The following HNRNPH1 variants were observed in gnomAD, a reference collection of about 807,000 sequenced individuals.
HNRNPH1 encodes heterogeneous nuclear ribonucleoprotein H.
In HNRNPH1, 4 loss-of-function variants were observed where a neutral mutation model predicts 58.6. The observed-to-expected ratio is 0.07, with a 90% CI of 0.03 to 0.16. The LOEUF is 0.16. HNRNPH1 is among the 10% of genes least tolerant of loss of function. The pLI is 1.00. For missense variants in HNRNPH1, 271 were observed against 564.2 expected (o/e 0.48, Z 5.26); for synonymous variants, 192 against 189.2 (o/e 1.01, Z -0.12).
intron 2 of HNRNPH1, among the ~76,000 whole-genome samples, chr5:179,633,234 C>T (rs973168487): frequency 1.3e-5 from 2 of 151,472 alleles, no homozygotes; most frequent in Non-Finnish European, 2.9e-5. Flanking sequence ...TCAGGTAATC[C>T]GCCGCCTCAG....
At chr5:179,615,303 T>A in intron 12 of HNRNPH1, 2 of 458,872 alleles carry the variant, frequency 4.4e-6, no homozygotes, top group Non-Finnish European at 7.8e-6. Context: ...AAATTTAACA[T>A]AAACATTCAC....
At chr5:179,631,020 A>G (rs1439169027) in intron 2 of HNRNPH1, among the ~76,000 whole-genome samples, 1 of 152,208 alleles carries the variant, frequency 6.6e-6, no homozygotes, top group African/African-American at 2.4e-5. Flanking sequence ...TGATTTAATT[A>G]CAAGATTGTT....
rs1771938010 is a variant in HNRNPH1, at chr5:179,620,714, T to G, written c.397+178A>C. ...GCAAAGTTAACATTTTGGAAGTACT[T>G]CATTTCCACCTTTAAGATGGGCTTA... On this transcript the variant is annotated intron_variant, in intron 3 of 12. Coordinates refer to ENST00000356731, the Ensembl canonical transcript of HNRNPH1. 7 of 593,186 alleles carry G rather than the reference T, an allele frequency of 1.2e-5. No homozygotes were observed. In the Admixed American group the frequency reaches 1.9e-4, roughly 16 times the overall value. 36.7% of individuals were successfully genotyped at this position (593,186 alleles called of 1,614,324 possible).
intron 2 of HNRNPH1, chr5:179,633,773 G>C (rs1187960287): frequency 1.3e-5 from 2 of 152,056 alleles, no homozygotes; most frequent in African/African-American, 2.4e-5. Context: ...AATTAGCCAG[G>C]CGTCGCAGAG....
rs1347559192 is a variant in HNRNPH1, at chr5:179,619,256, C to T, written c.536+13G>A. ...AAGAAAAGTGACATATCCAACCAAC[C>T]ATCCATCCCCACCTGTGCCCTATTC... On this transcript the variant is annotated intron_variant, in intron 4 of 12. Coordinates refer to ENST00000356731, the Ensembl canonical transcript of HNRNPH1. The T allele has an allele frequency of 6.3e-7, 1 of 1,593,804 alleles. No homozygotes were observed. The highest frequency in any genetic ancestry group is 1.2e-5 in the South Asian group (1 of 86,732).
chr5:179,615,356 G>T (rs1449994572), intron 12 of HNRNPH1, 190 bp downstream of exon 13: 1 of 500,226 alleles, frequency 2.0e-6, no homozygotes, highest in Non-Finnish European at 3.6e-6. Context: ...GAGCACAGGG[G>T]AAGTCTCTTG....
chr5:179,619,150 G>A (rs1771154584), intron 4 of HNRNPH1, 119 bp downstream of exon 5: 1 of 913,002 alleles, frequency 1.1e-6, no homozygotes, highest in Non-Finnish European at 1.6e-6. Flanking sequence ...GGAAATCATG[G>A]CAAAACATCA....
chr5:179,620,245 A>G (rs528562928), intron 3 of HNRNPH1, among the ~76,000 whole-genome samples: 7 of 152,356 alleles, frequency 4.6e-5, no homozygotes, highest in African/African-American at 7.2e-5. Flanking sequence ...AAAATATACG[A>G]TATCTTATCT....
chr5:179,616,546 G>T (rs562638307), intron 10 of HNRNPH1: 7 of 512,016 alleles, frequency 1.4e-5, no homozygotes, highest in African/African-American at 7.6e-5. Context: ...TACATCAAAG[G>T]CATGTCAATA....
chr5:179,619,073 A>G (rs1396008161), intron 4 of HNRNPH1, 196 bp downstream of exon 5: 4 of 471,876 alleles, frequency 8.5e-6, no homozygotes, highest in Non-Finnish European at 1.5e-5. Context: ...CAAGCAGACC[A>G]ATTAACTAGG....
At chr5:179,627,019 G>A (rs780143518), upstream of HNRNPH1, among the ~76,000 whole-genome samples, 119 of 152,032 alleles carry the variant, frequency 7.8e-4, 1 homozygote, top group Non-Finnish European at 1.4e-3. Flanking sequence ...CTAACCTCAT[G>A]ATCCGCCCAC....
Position 179,614,994 on chromosome 5 carries a change from T to C in HNRNPH1, c.*1-35A>G, listed in dbSNP as rs187050845. On this transcript the variant is annotated intron_variant, in intron 12 of 12. Coordinates refer to ENST00000356731, the Ensembl canonical transcript of HNRNPH1. ...GATCAATTTGACAAGTTAGGAGTAA[T>C]ATCAGACTACCAGTCAAATAAAATA... 36 of 1,183,000 alleles carry C rather than the reference T, an allele frequency of 3.0e-5. No individual in the cohort carries two copies. The African/African-American group carries it at 3.2e-4, about 10-fold the overall frequency. The allele number at this position is 1,183,000 out of a possible 1,614,324, so 73.3% of individuals were successfully genotyped here. A position where few individuals can be genotyped will look rare whatever the true frequency, so the allele number is the denominator to read the frequency against.
rs761418813 is a variant in HNRNPH1, at chr5:179,618,067, GAC to G, written c.716-9_716-8del. The G allele has an allele frequency of 4.3e-6, 7 of 1,613,958 alleles. No homozygotes were observed. The highest frequency in any genetic ancestry group is 5.9e-6 in the Non-Finnish European group (7 of 1,179,864). ...TCATCATAGCCTCCATAGCCTGAAA[GAC>G]AAAGTACAATCAATCAAATAAAACA... On this transcript the variant is annotated splice_region_variant and splice_polypyrimidine_tract_variant and intron_variant, in intron 5 of 12. Coordinates refer to ENST00000356731, the Ensembl canonical transcript of HNRNPH1.
At chr5:179,616,190 G>A (rs1769516255) in exon 11 of HNRNPH1, 1 of 1,614,194 alleles carries the variant, frequency 6.2e-7, no homozygotes. Flanking sequence ...GCTGCTGGCT[G>A]GCTGGGCCCC....
chr5:179,626,174 G>A (rs1481912579), upstream of HNRNPH1, among the ~76,000 whole-genome samples: 1 of 151,956 alleles, frequency 6.6e-6, no homozygotes, highest in Non-Finnish European at 1.5e-5. Context: ...TGCAATCTTG[G>A]CTCACTGCAA....
Position 179,616,238 on chromosome 5 carries a change from T to C in HNRNPH1, c.1208-20A>G, listed in dbSNP as rs1281206776. ...GGTTTGCTGTTAAGTTAAGAAAACA[T>C]TAGAACCTTTTTTCTTATGTGATGT... On this transcript the variant is annotated intron_variant, in intron 10 of 12. Transcript: ENST00000356731. 1 of 1,593,590 alleles carries C rather than the reference T, an allele frequency of 6.3e-7. No homozygotes were observed. Among genetic ancestry groups the C allele is most frequent in the South Asian group, 1.1e-5 (1 of 90,664 alleles).
At chr5:179,630,770 G>A (rs1581772603) in intron 2 of HNRNPH1, among the ~76,000 whole-genome samples, 4 of 151,972 alleles carry the variant, frequency 2.6e-5, no homozygotes, top group Non-Finnish European at 5.9e-5. Flanking sequence ...AATCAGCTGG[G>A]TGTGGTGACG....
intron 3 of HNRNPH1, chr5:179,620,048 T>C (rs1378713451): frequency 1.3e-5 from 2 of 152,236 alleles, no homozygotes; most frequent in Non-Finnish European, 2.9e-5. Flanking sequence ...CTAGAAGATA[T>C]GAAATTATGT....
intron 3 of HNRNPH1, chr5:179,620,154 T>C (rs1045826299): frequency 6.6e-6 from 1 of 152,218 alleles, no homozygotes. Context: ...ACTCGATACA[T>C]ATATCAATTT....
Sources: allele counts gnomAD v4.1 joint callset (sites outside exome capture counted in the v4.1 genomes callset), GRCh38; gene constraint gnomAD v4.1.1; transcripts MANE v1.5; gene names NCBI Gene and HGNC (gene_info 2026-07-23, HGNC 2026-07-21).